The following CNTN1 variants were observed in gnomAD, a reference collection of about 807,000 sequenced individuals.
The protein encoded by CNTN1 is contactin-1.
Under a neutral mutation model 126.4 loss-of-function variants are expected in CNTN1, and 38 were observed. The ratio of observed to expected loss-of-function variants is 0.30; its 90% CI spans 0.23 to 0.39. CNTN1 has a LOEUF of 0.39. Among genes scored for constraint, CNTN1 ranks in the 10% least tolerant of loss-of-function variants. CNTN1 has a pLI of 1.00. For missense variants in CNTN1, 1,009 were observed against 1,248.4 expected, an observed-to-expected ratio of 0.81 and a Z score of 2.89; for synonymous variants, 413 against 422.6, an observed-to-expected ratio of 0.98 and a Z score of 0.28.
intron 1 of CNTN1, among the ~76,000 whole-genome samples, chr12:40,711,810 T>G (rs1050365859): frequency 5.3e-5 from 8 of 152,138 alleles, no homozygotes; most frequent in Non-Finnish European, 1.2e-4. Context: ...ACTCCTGAGC[T>G]CAAGTGATCC....
intron 1 of CNTN1, among the ~76,000 whole-genome samples, chr12:40,730,422 G>C (rs1942464689): frequency 1.3e-5 from 2 of 152,226 alleles, no homozygotes; most frequent in South Asian, 4.1e-4. Context: ...TGAGCACAGT[G>C]AGTCAAGTGT....
intron 23 of CNTN1, among the ~76,000 whole-genome samples, chr12:41,059,713 G>A (rs556844169): frequency 6.6e-6 from 1 of 152,128 alleles, no homozygotes; most frequent in East Asian, 1.9e-4. Context: ...TTACTAAGTG[G>A]TTTAAAAGAA....
chr12:40,953,802 T>C (rs1946771028), intron 14 of CNTN1, among the ~76,000 whole-genome samples: 1 of 152,080 alleles, frequency 6.6e-6, no homozygotes, highest in African/African-American at 2.4e-5. Flanking sequence ...GACCACATTA[T>C]TCCTATCAGA....
At chr12:40,827,461 T>C (rs2136540197) in intron 1 of CNTN1, among the ~76,000 whole-genome samples, 1 of 152,330 alleles carries the variant, frequency 6.6e-6, no homozygotes, top group African/African-American at 2.4e-5. Flanking sequence ...ATATTTTCTC[T>C]TTCTTTCATT....
At chr12:40,710,394 C>T (rs76951338) in intron 1 of CNTN1, among the ~76,000 whole-genome samples, 3,683 of 152,054 alleles carry the variant, frequency 0.024, 146 homozygotes, top group African/African-American at 0.084. Flanking sequence ...AATCAAAGAT[C>T]GCCAATCACA....
chr12:41,038,781 G>A (rs1271147378), intron 23 of CNTN1, among the ~76,000 whole-genome samples: 2 of 152,134 alleles, frequency 1.3e-5, no homozygotes, highest in East Asian at 3.9e-4. Context: ...AGTTTTGTCA[G>A]ATAGTGATAG....
intron 1 of CNTN1, among the ~76,000 whole-genome samples, chr12:40,859,101 C>T (rs983278950): frequency 6.6e-6 from 1 of 151,788 alleles, no homozygotes; most frequent in Non-Finnish European, 1.5e-5. Flanking sequence ...ATGTAACAGA[C>T]CTGCACGTCC....
At chr12:40,935,775 T>C (rs1946058480) in intron 9 of CNTN1, among the ~76,000 whole-genome samples, 1 of 152,072 alleles carries the variant, frequency 6.6e-6, no homozygotes, top group Non-Finnish European at 1.5e-5. Flanking sequence ...ATATATGCTT[T>C]AAGATATATA....
intron 15 of CNTN1, chr12:40,972,650 T>G (rs1054816856): frequency 1.1e-6 from 1 of 952,222 alleles, no homozygotes; most frequent in African/African-American, 1.8e-5. Context: ...CCTTCTTTTA[T>G]ATTTTCTAGT....
intron 23 of CNTN1, among the ~76,000 whole-genome samples, chr12:41,064,323 A>AG (rs1313212211): frequency 6.6e-6 from 1 of 152,200 alleles, no homozygotes; most frequent in Non-Finnish European, 1.5e-5. Context: ...TTAAAACCAA[A>AG]GATCCCTGAC....
intron 1 of CNTN1, among the ~76,000 whole-genome samples, chr12:40,736,987 G>C (rs1053305290): frequency 6.6e-6 from 1 of 151,802 alleles, no homozygotes; most frequent in Non-Finnish European, 1.5e-5. Flanking sequence ...AATCCTACAC[G>C]AAATCAGTAT....
intron 1 of CNTN1, among the ~76,000 whole-genome samples, chr12:40,752,395 T>G (rs1369814790): frequency 6.6e-6 from 1 of 152,130 alleles, no homozygotes; most frequent in Non-Finnish European, 1.5e-5. Context: ...TTTCCTTATA[T>G]GCTCTAGAAA....
intron 15 of CNTN1, among the ~76,000 whole-genome samples, chr12:40,964,966 C>T (rs1032197963): frequency 5.3e-5 from 8 of 152,038 alleles, no homozygotes; most frequent in Admixed American, 6.6e-5. Flanking sequence ...ACTGTCCAGA[C>T]AAAATTAGTT....
intron 1 of CNTN1, among the ~76,000 whole-genome samples, chr12:40,824,933 G>A (rs567039764): frequency 1.4e-4 from 21 of 152,206 alleles, no homozygotes; most frequent in Admixed American, 1.1e-3. Flanking sequence ...ACAGTTCTAT[G>A]TGATTTAGTT....
At chr12:40,846,452 C>T (rs7134512) in intron 1 of CNTN1, among the ~76,000 whole-genome samples, 65,022 of 151,924 alleles carry the variant, frequency 0.43, 14,280 homozygotes, top group East Asian at 0.7. Flanking sequence ...TGGACAACAG[C>T]GAAACTCCGT....
At chr12:40,950,390 T>C (rs1418526737) in intron 14 of CNTN1, among the ~76,000 whole-genome samples, 1 of 152,134 alleles carries the variant, frequency 6.6e-6, no homozygotes. Context: ...AAAAAGAAAC[T>C]AGATTTTTCA....
chr12:40,814,940 G>A (rs955145892), intron 1 of CNTN1, among the ~76,000 whole-genome samples: 13 of 151,328 alleles, frequency 8.6e-5, no homozygotes, highest in African/African-American at 2.9e-4. Flanking sequence ...TTCCTAGGTT[G>A]ATTTTCTTTG....
At chr12:40,985,849 G>A (rs1323477456) in intron 16 of CNTN1, among the ~76,000 whole-genome samples, 1 of 151,906 alleles carries the variant, frequency 6.6e-6, no homozygotes, top group East Asian at 1.9e-4. Context: ...ATAATGGACA[G>A]TGTGTGTGTG....
intron 1 of CNTN1, among the ~76,000 whole-genome samples, chr12:40,762,714 G>A (rs960547899): frequency 6.6e-6 from 1 of 152,182 alleles, no homozygotes; most frequent in Admixed American, 6.5e-5. Context: ...GTGCTATACT[G>A]TGTGCAGGTA....
Sources: allele counts gnomAD v4.1 joint callset (sites outside exome capture counted in the v4.1 genomes callset), GRCh38; gene constraint gnomAD v4.1.1; transcripts MANE v1.5; gene names NCBI Gene and HGNC (gene_info 2026-07-23, HGNC 2026-07-21).